The following HMCN2 variants were observed in gnomAD, a reference collection of about 807,000 sequenced individuals.
The protein encoded by HMCN2 is hemicentin 2.
In HMCN2, 325 loss-of-function variants were observed where a neutral mutation model predicts 377.5. That is an observed-to-expected ratio of 0.86 (90% CI 0.79 to 0.94). The LOEUF (loss-of-function observed/expected upper bound fraction) is 0.94, where lower values mean the gene tolerates loss of function less well. Among genes scored for constraint, HMCN2 ranks in the 40% least tolerant of loss-of-function variants. The pLI, the probability that HMCN2 is intolerant of heterozygous loss-of-function variation, is 0.00. For missense variants in HMCN2, 4,543 were observed against 4,725.3 expected, an observed-to-expected ratio of 0.96 and a Z score of 1.13; for synonymous variants, 2,007 against 2,046.8, an observed-to-expected ratio of 0.98 and a Z score of 0.53.
intron 15 of HMCN2, among the ~76,000 whole-genome samples, chr9:130,313,297 AGT>A (rs1837361422): frequency 6.6e-6 from 1 of 151,614 alleles, no homozygotes; most frequent in Non-Finnish European, 1.5e-5. Context: ...GCTTCCTGGT[AGT>A]GTCTGGGGCA....
intron 14 of HMCN2, among the ~76,000 whole-genome samples, 161 bp from the exon 15 acceptor site, chr9:130,309,751 C>T (rs1317719201): frequency 6.6e-6 from 1 of 152,130 alleles, no homozygotes; most frequent in Non-Finnish European, 1.5e-5. Flanking sequence ...CAGGACTGGA[C>T]CCAGGGGTCC....
intron 1 of HMCN2, among the ~76,000 whole-genome samples, chr9:130,281,708 A>G (rs1554925820): frequency 6.6e-6 from 1 of 152,138 alleles, no homozygotes; most frequent in African/African-American, 2.4e-5. Context: ...GGCCTGGCCA[A>G]CATGGCAAAA....
rs994023532 is a variant in HMCN2 at position 130,368,295 on chromosome 9, G to T, written c.6645G>T (p.Glu2215Asp). Residue 2215 changes from glutamate (E) to aspartate (D), a missense_variant, in exon 44 of 98, where the codon GAG becomes GAT. Transcript: ENST00000683500. ...ACCCAGGTCAACCCCTCCCCGGGGA[G>T]GGGGCTGGCCTCCAGCACGTGTCGG... Reference protein sequence around the residue: ...WRKDGQPLPGEGAGLQHVSAV... With the variant: ...WRKDGQPLPGDGAGLQHVSAV... The T allele has an allele frequency of 6.1e-6, 6 of 985,666 alleles. No individual in the cohort carries two copies. The African/African-American group carries it at 1.0e-4, about 17-fold the overall frequency. The allele number at this position is 985,666 out of a possible 1,614,324, so 61.1% of individuals were successfully genotyped here.
In HMCN2 at chr9:130,425,775, T is replaced by C; in HGVS notation, c.13730T>C (p.Phe4577Ser). 1 of 1,550,560 alleles carries C rather than the reference T, an allele frequency of 6.4e-7. No individual in the cohort carries two copies. The highest frequency in any genetic ancestry group is 8.7e-7 in the Non-Finnish European group (1 of 1,146,972). ...QRFFQGGLPS[F>S]LRCNHSIQYN... is the part of the protein sequence containing the mutation. Reference sequence around the variant, plus strand: ...TTCTTCCAGGGCGGCCTCCCCTCGTTCCTACGCTGCAACCACAGCATCCAG... The same window carrying C: ...TTCTTCCAGGGCGGCCTCCCCTCGTCCCTACGCTGCAACCACAGCATCCAG... Residue 4577 changes from phenylalanine to serine, a missense_variant, in exon 90 of 98, where the codon TTC (phenylalanine) becomes TCC (serine). Coordinates refer to ENST00000683500, the MANE Select transcript of HMCN2 (RefSeq NM_001291815.2).
intron 75 of HMCN2, 108 bp from the exon 76 acceptor site, chr9:130,399,403 A>C (rs1842760329): frequency 1.8e-6 from 2 of 1,134,222 alleles, no homozygotes; most frequent in Admixed American, 3.7e-5. Context: ...TCAGGGCTGG[A>C]GGTCAGATAC....
rs1307318280 is a variant in HMCN2, at chr9:130,403,865, G to A, written c.12138G>A (p.Leu4046=). The A allele has an allele frequency of 2.3e-6, 3 of 1,289,400 alleles. No individual in the cohort carries two copies. Among genetic ancestry groups the A allele is most frequent in the Non-Finnish European group, 3.0e-6 (3 of 988,554 alleles). 79.9% of individuals were successfully genotyped at this position (1,289,400 alleles called of 1,614,324 possible). Residue 4046 remains leucine (L), a synonymous_variant, in exon 80 of 98, where the codon CTG becomes CTA. Transcript: ENST00000683500. The stretch of plus-strand genomic sequence containing the variant: ...GCAGTGCCATGGGGAAGACGCGGCT[G>A]GTGGTGCAAGGTGGGAGTGAGGACG... The part of the protein sequence containing the change: ...SAGSAMGKTR[L]VVQVPPVIEN...
chr9:130,324,844 C>T (rs1588243510), intron 19 of HMCN2, among the ~76,000 whole-genome samples: 2 of 152,010 alleles, frequency 1.3e-5, no homozygotes, highest in East Asian at 1.9e-4. Context: ...AAGGTGGTCT[C>T]GAACTCCTGA....
chr9:130,380,496 A>C (rs558503129), intron 54 of HMCN2, among the ~76,000 whole-genome samples: 1 of 152,228 alleles, frequency 6.6e-6, no homozygotes, highest in Admixed American at 6.5e-5. Flanking sequence ...GCTTGCAAGA[A>C]AAGGAGGTGG....
At position 130,377,731 on chromosome 9, in the gene HMCN2, G is replaced by A. The variant is rs1457658064; in HGVS notation, c.8144G>A (p.Gly2715Glu). Residue 2715 changes from glycine to glutamate, a missense_variant, in exon 53 of 98, where the codon GGG (glycine) becomes GAG (glutamate). Gly to Glu is a moderately conservative substitution (Grantham distance 98). Coordinates refer to ENST00000683500, the MANE Select transcript of HMCN2 (RefSeq NM_001291815.2). Reference protein sequence around the residue: ...QIQPTQVSDSGRYLCVATNVA... With the variant: ...QIQPTQVSDSERYLCVATNVA... ...CAGCCCACACAGGTCTCAGACTCGG[G>A]GCGGTACCTGTGTGTGGCCACCAAT... 2 of 985,812 alleles carry A rather than the reference G, an allele frequency of 2.0e-6. No individual in the cohort carries two copies. Among genetic ancestry groups the A allele is most frequent in the African/African-American group, 3.5e-5 (2 of 57,258 alleles). The allele number at this position is 985,812 out of a possible 1,614,324, so 61.1% of individuals were successfully genotyped here.
chr9:130,314,203 A>G (rs1837421189), intron 15 of HMCN2, among the ~76,000 whole-genome samples: 1 of 152,102 alleles, frequency 6.6e-6, no homozygotes, highest in Non-Finnish European at 1.5e-5. Flanking sequence ...TTGGACACTA[A>G]AGACTCTCCG....
Position 130,308,783 on chromosome 9 carries a change from A to G in HMCN2, c.2201-1129A>G, listed in dbSNP as rs1837044681. Among the ~76,000 whole-genome samples the G allele has an allele frequency of 6.6e-6, 1 of 152,250 alleles. No homozygotes were observed. Among genetic ancestry groups the G allele is most frequent in the Non-Finnish European group, 1.5e-5 (1 of 68,048 alleles). On this transcript the variant is annotated intron_variant, in intron 14 of 97. Coordinates refer to ENST00000683500, the MANE Select transcript of HMCN2 (RefSeq NM_001291815.2). The surrounding 1 kb of genome is among the most constrained non-coding windows in gnomAD (Gnocchi z 4.1). ...TCTTCAGAAGGAAGGAGATTCTGAC[A>G]CGTGCTACATGGATGTCCTGCTAGG...
chr9:130,298,614 C>T (rs1438397716), intron 7 of HMCN2, among the ~76,000 whole-genome samples: 2 of 152,132 alleles, frequency 1.3e-5, no homozygotes, highest in East Asian at 3.9e-4. Flanking sequence ...CAAAGAAAAC[C>T]TGAACACGGG....
At chr9:130,400,192 A>G (rs914979) in intron 76 of HMCN2, 35,965 of 152,322 alleles carry the variant, frequency 0.24, 4,878 homozygotes, top group East Asian at 0.38. Flanking sequence ...GGCCTCCCCT[A>G]CTCCAAGTGG....
At chr9:130,382,657 G>A in intron 55 of HMCN2, 22 bp from the exon 56 acceptor site, 2 of 695,842 alleles carry the variant, frequency 2.9e-6, no homozygotes, top group Non-Finnish European at 3.5e-6. Flanking sequence ...CAGCCCCTCA[G>A]CCCCCTCTCC....
intron 1 of HMCN2, among the ~76,000 whole-genome samples, chr9:130,278,950 G>A (rs1834958844): frequency 6.7e-6 from 1 of 148,900 alleles, no homozygotes. Flanking sequence ...TCAGGCTGGA[G>A]TGCAATGGCG....
rs1844926384 is a variant in HMCN2, at chr9:130,433,852, G to T, written c.*159G>T. Reference sequence around the variant, plus strand: ...TCAACACGACCCTGCGCACAGCCTTGACCCCCGACAGCGAGGACCTGACCT... The same window carrying T: ...TCAACACGACCCTGCGCACAGCCTTTACCCCCGACAGCGAGGACCTGACCT... On this transcript the variant is annotated 3_prime_UTR_variant, in exon 98 of 98. Transcript: ENST00000683500. 4.7e-6 allele frequency: 3 copies of T among 632,404 alleles called. No homozygotes were observed. Among genetic ancestry groups the T allele is most frequent in the East Asian group, 3.5e-5 (1 of 28,776 alleles). 39.2% of individuals were successfully genotyped at this position (632,404 alleles called of 1,614,324 possible).
At chr9:130,403,384 AG>A (rs143926040) in intron 79 of HMCN2, 56 bp downstream of exon 79, 162 of 1,281,526 alleles carry the variant, frequency 1.3e-4, no homozygotes, top group Admixed American at 1.6e-4. Flanking sequence ...GGGTCTGGGC[AG>A]GGGGGGAGTC....
Position 130,385,568 on chromosome 9 carries a change from G to A in HMCN2, c.9115G>A (p.Ala3039Thr). The A allele has an allele frequency of 7.7e-7, 1 of 1,303,978 alleles. No individual in the cohort carries two copies. Among genetic ancestry groups the A allele is most frequent in the Non-Finnish European group, 1.0e-6 (1 of 988,732 alleles). 80.8% of individuals were successfully genotyped at this position (1,303,978 alleles called of 1,614,324 possible). The change falls in exon 60 of 98, where the codon GCC becomes ACC. Residue 3039 changes from alanine to threonine, a missense_variant. Ala to Thr is a moderately conservative substitution (Grantham distance 58, BLOSUM62 0). Transcript: ENST00000683500. ...LVQLSVLVPP[A>T]FRQAPRGPQD... is the part of the protein sequence containing the mutation. ...CTATCTCCTGCCCCCAGTTCCCCCG[G>A]CCTTCAGGCAGGCTCCCAGAGGTCC... is the stretch of plus-strand genomic sequence containing the variant.
chr9:130,297,050 A>G (rs1836205342), intron 7 of HMCN2, among the ~76,000 whole-genome samples: 1 of 152,216 alleles, frequency 6.6e-6, no homozygotes, highest in African/African-American at 2.4e-5. Context: ...CCGTGCCTCC[A>G]CAGTCAGTGT....
Sources: allele counts gnomAD v4.1 joint callset (sites outside exome capture counted in the v4.1 genomes callset), GRCh38; gene constraint gnomAD v4.1.1; non-coding constraint Gnocchi (gnomAD v3.1); transcripts MANE v1.5; gene names NCBI Gene and HGNC (gene_info 2026-07-23, HGNC 2026-07-21).